SKIC8: variants seen among roughly 807,000 people sequenced by gnomAD.
SKIC8 encodes the protein superkiller complex protein 8.
At chr15:78,296,202 T>C in the SKIC8 span, among the ~76,000 whole-genome samples, 1 of 151,996 alleles carries the variant, frequency 6.6e-6, no homozygotes, top group Non-Finnish European at 1.5e-5. Context: ...TGTCAAGAGA[T>C]TGAGAACATC....
At chr15:78,288,607 C>T in the SKIC8 span, among the ~76,000 whole-genome samples, 1 of 152,158 alleles carries the variant, frequency 6.6e-6, no homozygotes, top group African/African-American at 2.4e-5. Context: ...AGTTCCCTTC[C>T]CTGCCCTCAG....
At chr15:78,292,673 T>C in the SKIC8 span, 2 of 1,614,226 alleles carry the variant, frequency 1.2e-6, no homozygotes. Context: ...CAAAGACGAA[T>C]ATGAGCATCA....
At chr15:78,291,476 C>T in the SKIC8 span, among the ~76,000 whole-genome samples, 56,392 of 151,892 alleles carry the variant, frequency 0.37, 10,937 homozygotes, top group African/African-American at 0.46. Flanking sequence ...AGTCAGGGTG[C>T]GTCTGGGTAG....
chr15:78,287,591 A>G, the SKIC8 span, among the ~76,000 whole-genome samples: 1 of 152,200 alleles, frequency 6.6e-6, no homozygotes, highest in Non-Finnish European at 1.5e-5. Flanking sequence ...TTCGGGAGCA[A>G]TGAGCCAGAG....
the SKIC8 span, chr15:78,285,962 TA>T: frequency 8.2e-7 from 1 of 1,224,886 alleles, no homozygotes; most frequent in South Asian, 1.7e-5. Context: ...CAAACATCTT[TA>T]AATGTTAAGG....
chr15:78,283,555 C>T, the SKIC8 span: 65 of 1,473,872 alleles, frequency 4.4e-5, no homozygotes, highest in Admixed American at 1.2e-3. Context: ...TCTACAAATG[C>T]CTTTATTCTT....
At chr15:78,297,442 A>G in the SKIC8 span, among the ~76,000 whole-genome samples, 1 of 152,164 alleles carries the variant, frequency 6.6e-6, no homozygotes, top group Non-Finnish European at 1.5e-5. Context: ...GAATCCACAA[A>G]TAATGAGGAT....
chr15:78,291,341 T>A, the SKIC8 span: 1 of 152,186 alleles, frequency 6.6e-6, no homozygotes, highest in Non-Finnish European at 1.5e-5. Flanking sequence ...TGTCTCTTCC[T>A]CTTTTCTTAA....
At chr15:78,298,975 C>T in the SKIC8 span, among the ~76,000 whole-genome samples, 1 of 152,174 alleles carries the variant, frequency 6.6e-6, no homozygotes, top group Non-Finnish European at 1.5e-5. Flanking sequence ...AGCTAAGAGA[C>T]TTTAGACCTT....
chr15:78,297,161 G>T, the SKIC8 span, among the ~76,000 whole-genome samples: 1 of 152,196 alleles, frequency 6.6e-6, no homozygotes, highest in South Asian at 2.1e-4. Context: ...TATGCTTGGG[G>T]GCTATCTCAA....
At chr15:78,285,715 A>AC in the SKIC8 span, 1 of 423,678 alleles carries the variant, frequency 2.4e-6, no homozygotes, top group East Asian at 3.8e-5. Flanking sequence ...GGCCTGACCA[A>AC]CACTGGGATC....
At chr15:78,294,917 T>C in the SKIC8 span, 2 of 1,614,034 alleles carry the variant, frequency 1.2e-6, no homozygotes, top group Non-Finnish European at 1.7e-6. Flanking sequence ...TTTTCACAGA[T>C]GAATTGCTTA....
chr15:78,283,525 T>C, the SKIC8 span: 3 of 1,603,480 alleles, frequency 1.9e-6, no homozygotes, highest in Non-Finnish European at 2.6e-6. Context: ...CCCAGACCTG[T>C]AAATTTAAAA....
At chr15:78,297,455 A>C in the SKIC8 span, among the ~76,000 whole-genome samples, 8 of 152,268 alleles carry the variant, frequency 5.3e-5, no homozygotes, top group African/African-American at 1.9e-4. Flanking sequence ...ATGAGGATAG[A>C]CTGTATGCTA....
chr15:78,289,600 A>G, the SKIC8 span: 1 of 1,577,940 alleles, frequency 6.3e-7, no homozygotes, highest in South Asian at 1.1e-5. Flanking sequence ...GTTTGTCAAA[A>G]TAAGATGATG....
the SKIC8 span, chr15:78,286,379 A>C: frequency 2.4e-6 from 1 of 411,054 alleles, no homozygotes; most frequent in Non-Finnish European, 4.4e-6. Context: ...AAAATCCTTC[A>C]CAAGCAAAGA....
chr15:78,284,706 T>C, the SKIC8 span: 1 of 152,542 alleles, frequency 6.6e-6, no homozygotes, highest in Non-Finnish European at 1.5e-5. Flanking sequence ...ATTTCACATA[T>C]TCACCTTGGC....
chr15:78,296,749 T>G, the SKIC8 span, among the ~76,000 whole-genome samples: 1 of 152,180 alleles, frequency 6.6e-6, no homozygotes, highest in East Asian at 1.9e-4. Context: ...GCAATCCTCC[T>G]GTCTTGGCCT....
At chr15:78,294,771 TG>T in the SKIC8 span, 4 of 79,644 alleles carry the variant, frequency 5.0e-5, no homozygotes, top group East Asian at 9.0e-5. Flanking sequence ...TTCAGGTTTT[TG>T]TTGTTGTTGT....
Sources: gnomAD v4.1 joint callset for allele counts (sites outside exome capture counted in the v4.1 genomes callset) on GRCh38, gnomAD v4.1.1 for gene constraint, MANE v1.5 for transcripts, NCBI Gene and HGNC (gene_info 2026-07-23, HGNC 2026-07-21) for gene names.